Variants in SPIDR observed in about 807,000 individuals in gnomAD.
SPIDR encodes DNA repair-scaffolding protein.
SPIDR carries 93 observed loss-of-function variants against 104.6 expected under a neutral mutation model. The ratio of observed to expected loss-of-function variants is 0.89; its 90% CI spans 0.75 to 1.06. SPIDR has a LOEUF of 1.06. Ranked by LOEUF, SPIDR falls within the 50% of genes least tolerant of loss-of-function variation. The pLI is 0.00. For synonymous variants in SPIDR, 431 were observed against 416.9 expected (o/e 1.03, Z -0.41); for missense variants, 1,154 against 1,111.2 (o/e 1.04, Z -0.55).
At chr8:47,302,664 G>T (rs2042323903) in intron 5 of SPIDR, among the ~76,000 whole-genome samples, 1 of 152,214 alleles carries the variant, frequency 6.6e-6, no homozygotes, top group African/African-American at 2.4e-5. Context: ...CCTTCTAACA[G>T]TCAGGACCCT....
chr8:47,354,339 T>C (rs2054118729), intron 5 of SPIDR, among the ~76,000 whole-genome samples: 1 of 148,864 alleles, frequency 6.7e-6, no homozygotes, highest in Admixed American at 6.6e-5. Flanking sequence ...TCGTTTGCCA[T>C]CTTTTTTTTT....
intron 5 of SPIDR, among the ~76,000 whole-genome samples, chr8:47,327,311 T>G (rs1402415509): frequency 2.6e-5 from 4 of 152,206 alleles, no homozygotes; most frequent in African/African-American, 7.2e-5. Context: ...AAGAGAATGA[T>G]CTATATATTC....
chr8:47,453,399 G>A (rs554223991), intron 8 of SPIDR, among the ~76,000 whole-genome samples: 1 of 152,238 alleles, frequency 6.6e-6, no homozygotes, highest in African/African-American at 2.4e-5. Flanking sequence ...AGGGGAGCCC[G>A]CATTGCCAAG....
chr8:47,275,379 C>A (rs1287912918), intron 1 of SPIDR, among the ~76,000 whole-genome samples: 1 of 151,916 alleles, frequency 6.6e-6, no homozygotes, highest in African/African-American at 2.4e-5. Context: ...TATACAACTG[C>A]TTATATATAT....
chr8:47,583,475 C>G (rs1276388175), intron 8 of SPIDR, among the ~76,000 whole-genome samples: 1 of 152,144 alleles, frequency 6.6e-6, no homozygotes, highest in Non-Finnish European at 1.5e-5. Flanking sequence ...CAGTCTCAAT[C>G]TATACATGCT....
intron 10 of SPIDR, among the ~76,000 whole-genome samples, chr8:47,668,130 A>G (rs1439759557): frequency 6.6e-6 from 1 of 152,212 alleles, no homozygotes; most frequent in East Asian, 1.9e-4. Flanking sequence ...TAACTGTCAA[A>G]ACACAGATTA....
intron 8 of SPIDR, among the ~76,000 whole-genome samples, chr8:47,574,902 C>G (rs1283663791): frequency 1.3e-5 from 2 of 152,140 alleles, no homozygotes; most frequent in African/African-American, 4.8e-5. Flanking sequence ...TCTGCTTTTG[C>G]TGATTTGTGA....
At chr8:47,515,191 C>T (rs2082931209) in intron 8 of SPIDR, among the ~76,000 whole-genome samples, 1 of 152,150 alleles carries the variant, frequency 6.6e-6, no homozygotes. Context: ...TAGCCCATTA[C>T]TTAAATTTTC....
At chr8:47,605,604 A>G (rs1280704001) in intron 10 of SPIDR, among the ~76,000 whole-genome samples, 1 of 152,172 alleles carries the variant, frequency 6.6e-6, no homozygotes, top group East Asian at 1.9e-4. Flanking sequence ...CTGGAATCAG[A>G]CTGGTGTGGG....
intron 10 of SPIDR, among the ~76,000 whole-genome samples, chr8:47,671,577 T>TC (rs1481068191): frequency 7.5e-6 from 1 of 133,104 alleles, no homozygotes; most frequent in Non-Finnish European, 1.6e-5. Flanking sequence ...AGAGCAAGAC[T>TC]CCATCTCAAA....
intron 8 of SPIDR, among the ~76,000 whole-genome samples, chr8:47,448,812 G>T (rs1274276925): frequency 6.6e-6 from 1 of 152,136 alleles, no homozygotes; most frequent in Non-Finnish European, 1.5e-5. Flanking sequence ...AGGGCATTTG[G>T]AGTAGAGGAG....
At chr8:47,600,894 GAGAA>G (rs2062191353) in intron 10 of SPIDR, among the ~76,000 whole-genome samples, 1 of 152,152 alleles carries the variant, frequency 6.6e-6, no homozygotes, top group Non-Finnish European at 1.5e-5. Context: ...TCACCCTGAC[GAGAA>G]AGAACGACAA....
chr8:47,487,199 G>A (rs2077792389), intron 8 of SPIDR, among the ~76,000 whole-genome samples: 1 of 152,048 alleles, frequency 6.6e-6, no homozygotes, highest in Non-Finnish European at 1.5e-5. Flanking sequence ...AAAAGGGGTT[G>A]CAATCCTAGT....
At chr8:47,551,665 T>C (rs1038179526) in intron 8 of SPIDR, among the ~76,000 whole-genome samples, 21 of 152,222 alleles carry the variant, frequency 1.4e-4, no homozygotes, top group African/African-American at 5.1e-4. Context: ...CTCTCTTTTC[T>C]TCTTTATCAG....
At chr8:47,602,472 A>G (rs947578600) in intron 10 of SPIDR, among the ~76,000 whole-genome samples, 2 of 152,220 alleles carry the variant, frequency 1.3e-5, no homozygotes, top group Non-Finnish European at 2.9e-5. Flanking sequence ...AAGTCCAGAA[A>G]TTACCATGTC....
intron 8 of SPIDR, among the ~76,000 whole-genome samples, chr8:47,483,031 G>A (rs1224913015): frequency 6.6e-6 from 1 of 152,176 alleles, no homozygotes; most frequent in Non-Finnish European, 1.5e-5. Flanking sequence ...ACAGTGGGTG[G>A]TGCCCAGAGT....
chr8:47,335,702 C>G (rs1033143755), intron 5 of SPIDR, among the ~76,000 whole-genome samples: 1 of 152,164 alleles, frequency 6.6e-6, no homozygotes, highest in Non-Finnish European at 1.5e-5. Context: ...ACACCCACGT[C>G]GGCCTCCCAA....
At chr8:47,732,004 C>T (rs904935935) in intron 19 of SPIDR, 4 of 614,948 alleles carry the variant, frequency 6.5e-6, no homozygotes, top group African/African-American at 1.8e-5. Context: ...TCCAGCTGCT[C>T]CATGCTACTC....
chr8:47,434,494 G>C (rs1372362143), intron 7 of SPIDR, among the ~76,000 whole-genome samples: 1 of 152,236 alleles, frequency 6.6e-6, no homozygotes, highest in Non-Finnish European at 1.5e-5. Flanking sequence ...GAGAGACAGA[G>C]CGATAATGTA....
Sources: allele counts gnomAD v4.1 joint callset (sites outside exome capture counted in the v4.1 genomes callset), GRCh38; gene constraint gnomAD v4.1.1; transcripts MANE v1.5; gene names NCBI Gene and HGNC (gene_info 2026-07-23, HGNC 2026-07-21).